Variants in SOX5 observed in about 807,000 individuals in gnomAD.
SOX5 encodes transcription factor SOX-5.
In SOX5, 9 loss-of-function variants were observed where a neutral mutation model predicts 92.0. The ratio of observed to expected loss-of-function variants is 0.10; its 90% CI spans 0.06 to 0.17. The LOEUF (loss-of-function observed/expected upper bound fraction) is 0.17. SOX5 is among the 10% of genes least tolerant of loss of function. The pLI is 1.00. For synonymous variants in SOX5, 344 were observed against 336.3 expected (o/e 1.02, Z -0.25); for missense variants, 642 against 944.5 (o/e 0.68, Z 4.20).
intron 4 of SOX5, among the ~76,000 whole-genome samples, chr12:24,128,691 C>T (rs999991319): frequency 6.6e-6 from 1 of 152,078 alleles, no homozygotes; most frequent in East Asian, 1.9e-4. Flanking sequence ...AGCCACAACC[C>T]GCAGGGCCTT....
At chr12:24,173,616 T>A (rs1412238456) in intron 4 of SOX5, among the ~76,000 whole-genome samples, 1 of 151,940 alleles carries the variant, frequency 6.6e-6, no homozygotes, top group Admixed American at 6.6e-5. Flanking sequence ...AGGCCATGGT[T>A]ATCAATCTTG....
rs1042894425 is a variant in SOX5 at position 23,833,514 on chromosome 12, A to G, written c.481+12469T>C. 7.9e-5 allele frequency among the ~76,000 whole-genome samples: 12 copies of G among 152,116 alleles called. No homozygotes were observed. The South Asian group carries it at 1.2e-3, about 16-fold the overall frequency. On this transcript the variant is annotated intron_variant, in intron 3 of 14. Coordinates refer to ENST00000451604, the MANE Select transcript of SOX5 (RefSeq NM_006940.6). ...TAGCAATTGAAGAGAATTATTATCT[A>G]TGGCCACTAATCCATAGGTAACGTT...
intron 2 of SOX5, among the ~76,000 whole-genome samples, chr12:24,281,329 G>A (rs61909926): frequency 2.0e-5 from 3 of 151,208 alleles, no homozygotes; most frequent in African/African-American, 2.4e-5. Flanking sequence ...TAGACTCTAC[G>A]GAAAGGGTCA....
intron 3 of SOX5, among the ~76,000 whole-genome samples, chr12:24,258,282 AAAACAAAC>A (rs201317761): frequency 2.4e-4 from 37 of 151,882 alleles, no homozygotes; most frequent in African/African-American, 7.3e-4. Context: ...TGATTAAAAC[AAAACAAAC>A]AAACAAACAA....
intron 4 of SOX5, among the ~76,000 whole-genome samples, chr12:23,961,413 C>A (rs1057096214): frequency 5.3e-5 from 8 of 152,158 alleles, no homozygotes; most frequent in Non-Finnish European, 1.0e-4. Flanking sequence ...CCCTACATAT[C>A]ATGAATTTCA....
intron 2 of SOX5, among the ~76,000 whole-genome samples, chr12:23,875,466 T>G (rs987481405): frequency 2.6e-5 from 4 of 152,016 alleles, no homozygotes; most frequent in Non-Finnish European, 5.9e-5. Flanking sequence ...CTGCAAAAAA[T>G]CCTTACTGTT....
intron 1 of SOX5, among the ~76,000 whole-genome samples, chr12:24,415,628 T>C (rs1311630908): frequency 3.9e-5 from 6 of 152,302 alleles, no homozygotes; most frequent in African/African-American, 1.4e-4. Flanking sequence ...AAACTGGAAG[T>C]ACACAGTAAC....
At chr12:23,856,587 C>A (rs938655931) in intron 2 of SOX5, among the ~76,000 whole-genome samples, 1 of 152,072 alleles carries the variant, frequency 6.6e-6, no homozygotes, top group African/African-American at 2.4e-5. Flanking sequence ...AGATTCAATT[C>A]TAAACTCCTT....
chr12:24,476,995 C>CA (rs11385447), intron 1 of SOX5, among the ~76,000 whole-genome samples: 15,827 of 54,170 alleles, frequency 0.29, 2,137 homozygotes, highest in East Asian at 0.52. Context: ...AGACCCCTCT[C>CA]AAAAAAAAAA....
At chr12:24,358,292 T>C (rs1379465152) in intron 2 of SOX5, among the ~76,000 whole-genome samples, 2 of 152,204 alleles carry the variant, frequency 1.3e-5, no homozygotes, top group Non-Finnish European at 2.9e-5. Flanking sequence ...CGAATGACTA[T>C]TTTTATATAA....
intron 6 of SOX5, among the ~76,000 whole-genome samples, chr12:23,705,584 C>T (rs2091283456): frequency 6.6e-6 from 1 of 152,026 alleles, no homozygotes; most frequent in African/African-American, 2.4e-5. Flanking sequence ...AAGGAAAGAT[C>T]TGATGGGCTG....
intron 1 of SOX5, among the ~76,000 whole-genome samples, chr12:24,414,155 A>AT (rs954345124): frequency 6.6e-6 from 1 of 151,872 alleles, no homozygotes; most frequent in East Asian, 1.9e-4. Context: ...AAATCCATTA[A>AT]TTTTTTTTCT....
chr12:24,005,927 T>C (rs1255322444), intron 4 of SOX5, among the ~76,000 whole-genome samples: 4 of 152,332 alleles, frequency 2.6e-5, no homozygotes, highest in African/African-American at 9.6e-5. Flanking sequence ...GCTTTTCTTA[T>C]GGAATAAAAT....
chr12:23,883,010 T>G (rs1054583270), intron 2 of SOX5, among the ~76,000 whole-genome samples: 4 of 151,744 alleles, frequency 2.6e-5, no homozygotes, highest in Non-Finnish European at 2.9e-5. Context: ...TGAAACCCCG[T>G]CTCTACTAAA....
At chr12:23,857,051 G>T (rs745651563) in intron 2 of SOX5, among the ~76,000 whole-genome samples, 26 of 152,110 alleles carry the variant, frequency 1.7e-4, no homozygotes, top group Non-Finnish European at 3.5e-4. Context: ...GAAGAAATAA[G>T]TGAAGAGGAA....
At chr12:24,048,955 A>G (rs1957293871) in intron 4 of SOX5, among the ~76,000 whole-genome samples, 1 of 151,912 alleles carries the variant, frequency 6.6e-6, no homozygotes, top group Admixed American at 6.6e-5. Flanking sequence ...TGTTTGCACC[A>G]CTCCATGAAT....
chr12:24,115,327 C>A (rs1012932441), intron 4 of SOX5, among the ~76,000 whole-genome samples: 3 of 152,186 alleles, frequency 2.0e-5, no homozygotes, highest in Non-Finnish European at 4.4e-5. Flanking sequence ...AAATGGTTAT[C>A]AACTTGGAAC....
chr12:24,290,111 T>C (rs905182672), intron 2 of SOX5, among the ~76,000 whole-genome samples: 1 of 152,242 alleles, frequency 6.6e-6, no homozygotes, highest in Non-Finnish European at 1.5e-5. Context: ...TGCAGGCTGC[T>C]GTATTAGCTT....
rs1481306114 is a variant in SOX5 at position 23,912,434 on chromosome 12, A to T, written c.39-16410T>A. On this transcript the variant is annotated intron_variant, in intron 1 of 14. Coordinates refer to ENST00000451604, the MANE Select transcript of SOX5 (RefSeq NM_006940.6). ...AAATAGCGCAGCCACTTTCAAAAAC[A>T]GTTTGCAGTTTCTAAAGAGTTACCA... Among the ~76,000 whole-genome samples, 6 of 152,206 alleles carry T rather than the reference A, an allele frequency of 3.9e-5. No individual in the cohort carries two copies. The South Asian group carries it at 1.2e-3, about 31-fold the overall frequency.
Sources: gnomAD v4.1 joint callset for allele counts (sites outside exome capture counted in the v4.1 genomes callset) on GRCh38, gnomAD v4.1.1 for gene constraint, MANE v1.5 for transcripts, NCBI Gene and HGNC (gene_info 2026-07-23, HGNC 2026-07-21) for gene names.